The following ARHGAP15 variants were observed in gnomAD, a reference collection of about 807,000 sequenced individuals.
ARHGAP15 encodes the protein rho GTPase-activating protein 15.
Under a neutral mutation model 63.7 loss-of-function variants are expected in ARHGAP15, and 51 were observed. The ratio of observed to expected loss-of-function variants is 0.80; its 90% CI spans 0.64 to 1.01. The LOEUF (loss-of-function observed/expected upper bound fraction) is 1.01. ARHGAP15 is among the 50% of genes least tolerant of loss of function. The pLI, the probability that ARHGAP15 is intolerant of heterozygous loss-of-function variation, is 0.00. For missense variants in ARHGAP15, 560 were observed against 564.6 expected (o/e 0.99, Z 0.08); for synonymous variants, 191 against 193.8 (o/e 0.99, Z 0.12).
intron 6 of ARHGAP15, among the ~76,000 whole-genome samples, chr2:143,394,944 C>T (rs754104362): frequency 6.6e-6 from 1 of 151,926 alleles, no homozygotes; most frequent in Non-Finnish European, 1.5e-5. Flanking sequence ...TGAAAGTGGT[C>T]GAAATTTACC....
chr2:143,400,331 A>G (rs1475209871), intron 6 of ARHGAP15, among the ~76,000 whole-genome samples: 1 of 152,018 alleles, frequency 6.6e-6, no homozygotes, highest in Non-Finnish European at 1.5e-5. Flanking sequence ...CTACAGGAGG[A>G]GTTTGCACTT....
intron 11 of ARHGAP15, among the ~76,000 whole-genome samples, chr2:143,621,999 G>GTTGTGTGTGTGTGTGTGTGT (rs1192192954): frequency 6.6e-6 from 1 of 150,896 alleles, no homozygotes; most frequent in Admixed American, 6.6e-5. Context: ...GGTAGAGATA[G>GTTGTGTGTGTGTGTGTGTGT]TTGTGTGTGT....
intron 12 of ARHGAP15, among the ~76,000 whole-genome samples, chr2:143,650,518 G>A (rs913591541): frequency 6.6e-6 from 1 of 151,914 alleles, no homozygotes; most frequent in African/African-American, 2.4e-5. Flanking sequence ...CAGTTCTTCA[G>A]TGAACCAAGT....
chr2:143,672,743 GC>G (rs1040437618), intron 12 of ARHGAP15, among the ~76,000 whole-genome samples: 2 of 152,132 alleles, frequency 1.3e-5, no homozygotes, highest in African/African-American at 4.8e-5. Flanking sequence ...CACATTATTT[GC>G]TTTGCCGATG....
At chr2:143,737,958 A>G (rs1040359120) in intron 13 of ARHGAP15, among the ~76,000 whole-genome samples, 34 of 151,986 alleles carry the variant, frequency 2.2e-4, no homozygotes, top group African/African-American at 8.2e-4. Context: ...GGGTTTCACC[A>G]TGCCGGTCAG....
At chr2:143,655,094 A>G (rs1681366189) in intron 12 of ARHGAP15, among the ~76,000 whole-genome samples, 1 of 152,164 alleles carries the variant, frequency 6.6e-6, no homozygotes, top group African/African-American at 2.4e-5. Flanking sequence ...AATTCTGATA[A>G]ACTCATGGCA....
At chr2:143,542,769 AATATATATAT>A (rs1695149380) in intron 10 of ARHGAP15, among the ~76,000 whole-genome samples, 1 of 89,552 alleles carries the variant, frequency 1.1e-5, no homozygotes, top group African/African-American at 3.3e-5. Context: ...TCACATATAT[AATATATATAT>A]GATATATATA....
chr2:143,431,041 A>AT (rs1689366801), intron 6 of ARHGAP15, among the ~76,000 whole-genome samples: 2 of 151,970 alleles, frequency 1.3e-5, no homozygotes, highest in Admixed American at 6.6e-5. Context: ...TCTTAGATAT[A>AT]TTTTTTCATA....
chr2:143,156,710 A>T (rs1000732707), intron 2 of ARHGAP15, among the ~76,000 whole-genome samples: 1 of 151,974 alleles, frequency 6.6e-6, no homozygotes, highest in African/African-American at 2.4e-5. Context: ...GTTGTAGACA[A>T]ATTTAGCATG....
intron 6 of ARHGAP15, among the ~76,000 whole-genome samples, chr2:143,386,114 A>G (rs186498450): frequency 2.6e-5 from 4 of 152,300 alleles, no homozygotes; most frequent in Admixed American, 1.3e-4. Context: ...CACATTATCA[A>G]TAGAGGGAGG....
chr2:143,174,795 A>G (rs1199518915), intron 2 of ARHGAP15, among the ~76,000 whole-genome samples: 1 of 152,160 alleles, frequency 6.6e-6, no homozygotes, highest in African/African-American at 2.4e-5. Flanking sequence ...GTTCTTTCAT[A>G]TTCACATTTC....
chr2:143,669,963 G>A (rs1468449614), intron 12 of ARHGAP15, among the ~76,000 whole-genome samples: 1 of 152,162 alleles, frequency 6.6e-6, no homozygotes, highest in Non-Finnish European at 1.5e-5. Context: ...AGCAACAAGG[G>A]TAGCATCCTG....
At chr2:143,236,332 CT>C in intron 5 of ARHGAP15, 1 of 169,596 alleles carries the variant, frequency 5.9e-6, no homozygotes, top group Non-Finnish European at 1.3e-5. Context: ...TATAGGTAGT[CT>C]TTTTCCAGAG....
At chr2:143,363,732 CTA>C (rs1431374095) in intron 6 of ARHGAP15, among the ~76,000 whole-genome samples, 4 of 152,192 alleles carry the variant, frequency 2.6e-5, no homozygotes, top group Non-Finnish European at 5.9e-5. Context: ...ATCATCACCT[CTA>C]TATGTTTGTC....
intron 1 of ARHGAP15, among the ~76,000 whole-genome samples, chr2:143,132,527 G>C (rs1170741080): frequency 1.3e-5 from 2 of 152,218 alleles, no homozygotes; most frequent in East Asian, 3.8e-4. Context: ...CAAAGTGTCA[G>C]ATTTAGATCT....
At chr2:143,637,075 C>T (rs1680353418) in intron 12 of ARHGAP15, among the ~76,000 whole-genome samples, 1 of 150,270 alleles carries the variant, frequency 6.7e-6, no homozygotes, top group Non-Finnish European at 1.5e-5. Context: ...AGGAGAGCCC[C>T]ACCCTCATGA....
chr2:143,369,710 T>C (rs1024449947), intron 6 of ARHGAP15, among the ~76,000 whole-genome samples: 3 of 152,172 alleles, frequency 2.0e-5, no homozygotes, highest in Non-Finnish European at 4.4e-5. Context: ...CATTGTTATA[T>C]ACTGAGACCA....
At chr2:143,456,825 C>T (rs1417214431) in intron 8 of ARHGAP15, among the ~76,000 whole-genome samples, 1 of 38,526 alleles carries the variant, frequency 2.6e-5, no homozygotes, top group Non-Finnish European at 4.9e-5. Context: ...AAATTGTGTA[C>T]ATGTGTTTTG....
chr2:143,381,247 T>G (rs1330615381), intron 6 of ARHGAP15, among the ~76,000 whole-genome samples: 1 of 152,138 alleles, frequency 6.6e-6, no homozygotes, highest in Non-Finnish European at 1.5e-5. Flanking sequence ...CACTTCAGAT[T>G]TATATTCTCC....
Sources: allele counts gnomAD v4.1 joint callset (sites outside exome capture counted in the v4.1 genomes callset), GRCh38; gene constraint gnomAD v4.1.1; transcripts MANE v1.5; gene names NCBI Gene and HGNC (gene_info 2026-07-23, HGNC 2026-07-21).